SPECC1L: variants seen among roughly 807,000 people sequenced by gnomAD.
SPECC1L encodes cytospin-A.
A neutral mutation model predicts 116.8 loss-of-function variants in SPECC1L; 40 were observed. The observed-to-expected ratio is 0.34, with a 90% CI of 0.27 to 0.45. SPECC1L has a LOEUF of 0.45. Among genes scored for constraint, SPECC1L ranks in the 20% least tolerant of loss-of-function variants. The probability of loss-of-function intolerance (pLI) is 1.00; values close to 1 mark genes in which losing one functional copy is unlikely to be tolerated. For synonymous variants in SPECC1L, 504 were observed against 500.6 expected, an observed-to-expected ratio of 1.01 and a Z score of -0.09; for missense variants, 1,110 against 1,373.6, an observed-to-expected ratio of 0.81 and a Z score of 3.03.
chr22:24,409,076 G>C (rs1357283913), intron 14 of SPECC1L, among the ~76,000 whole-genome samples: 2 of 152,238 alleles, frequency 1.3e-5, no homozygotes, highest in Admixed American at 6.5e-5. Flanking sequence ...GGTCCTAACA[G>C]TATATAAAGA....
Position 24,365,466 on chromosome 22 carries a change from T to C in SPECC1L, c.2828-10T>C. The C allele has an allele frequency of 1.2e-6, 2 of 1,613,912 alleles. No homozygotes were observed. The highest frequency in any genetic ancestry group is 1.7e-6 in the Non-Finnish European group (2 of 1,179,872). ...TTTGCTATAGAGTGCATAATGACTA[T>C]TTCTCACAGTGTCTCGACGAAGTAG... On this transcript the variant is annotated splice_polypyrimidine_tract_variant and intron_variant, in intron 12 of 16. Coordinates refer to ENST00000314328, the MANE Select transcript of SPECC1L (RefSeq NM_015330.6).
intron 11 of SPECC1L, among the ~76,000 whole-genome samples, chr22:24,353,928 A>C (rs1013131835): frequency 6.6e-6 from 1 of 152,234 alleles, no homozygotes; most frequent in African/African-American, 2.4e-5. Flanking sequence ...TAATTTATAA[A>C]GAAAAGAGGT....
At chr22:24,282,410 C>T (rs193148498) in intron 2 of SPECC1L, among the ~76,000 whole-genome samples, 97 of 152,326 alleles carry the variant, frequency 6.4e-4, no homozygotes, top group African/African-American at 2.2e-3. Flanking sequence ...GTTCAGTCTA[C>T]ACCCAGGAAT....
chr22:24,313,607 G>T lies in SPECC1L; in HGVS notation c.307+141G>T, dbSNP rs563917182. ...ATGGATTGATATTTCAGCCCAATAC[G>T]CTCATCACCATTATCAACTCATAGC... is the stretch of plus-strand genomic sequence containing the variant. On this transcript the variant is annotated intron_variant, in intron 4 of 16. Transcript: ENST00000314328. 9 of 942,668 alleles carry T rather than the reference G, an allele frequency of 9.5e-6. No individual in the cohort carries two copies. In the African/African-American group the frequency reaches 1.1e-4, roughly 12 times the overall value. 58.4% of individuals were successfully genotyped at this position (942,668 alleles called of 1,614,324 possible). A position where few individuals can be genotyped will look rare whatever the true frequency, so the allele number is the denominator to read the frequency against.
chr22:24,412,220 C>T (rs1224915327), intron 15 of SPECC1L: 4 of 359,460 alleles, frequency 1.1e-5, no homozygotes, highest in Non-Finnish European at 1.1e-5. Context: ...CAGAGGGCCA[C>T]TGGAGAGGAT....
At chr22:24,372,740 C>G (rs1485942311) in intron 14 of SPECC1L, among the ~76,000 whole-genome samples, 1 of 151,118 alleles carries the variant, frequency 6.6e-6, no homozygotes, top group Non-Finnish European at 1.5e-5. Flanking sequence ...TCTCTCACCA[C>G]TCCTATTCAA....
At chr22:24,373,073 A>G (rs936031072) in intron 14 of SPECC1L, among the ~76,000 whole-genome samples, 13 of 152,190 alleles carry the variant, frequency 8.5e-5, no homozygotes, top group African/African-American at 3.1e-4. Flanking sequence ...TATAAGGGAC[A>G]TGAAGGACCT....
chr22:24,368,225 C>T (rs1471147993), intron 13 of SPECC1L, among the ~76,000 whole-genome samples: 1 of 152,156 alleles, frequency 6.6e-6, no homozygotes, highest in Admixed American at 6.5e-5. Flanking sequence ...CAAACTTCTA[C>T]AGTGGTTTTA....
intron 15 of SPECC1L, chr22:24,412,251 C>T (rs1408247880): frequency 1.1e-5 from 4 of 371,978 alleles, no homozygotes; most frequent in Non-Finnish European, 2.1e-5. Flanking sequence ...AGCCCCCACC[C>T]CAGTCCCCTG....
chr22:24,298,847 A>C (rs1277200912), intron 2 of SPECC1L, among the ~76,000 whole-genome samples: 1 of 152,224 alleles, frequency 6.6e-6, no homozygotes, highest in Non-Finnish European at 1.5e-5. Context: ...ATCCAGAAAC[A>C]CCCTCACAGA....
At chr22:24,273,174 G>A (rs1459683897) in intron 1 of SPECC1L, among the ~76,000 whole-genome samples, 1 of 152,196 alleles carries the variant, frequency 6.6e-6, no homozygotes. Flanking sequence ...CTCTGAAGCA[G>A]TGGTTCTCTA....
chr22:24,270,860 A>T lies in SPECC1L; in HGVS notation c.-265A>T, dbSNP rs1404501094. The T allele has an allele frequency of 6.6e-6, 1 of 152,414 alleles. No homozygotes were observed. Among genetic ancestry groups the T allele is most frequent in the Non-Finnish European group, 1.5e-5 (1 of 68,260 alleles). The allele number at this position is 152,414 out of a possible 1,614,324, so 9.4% of individuals were successfully genotyped here. A position where few individuals can be genotyped will look rare whatever the true frequency, so the allele number is the denominator to read the frequency against. ...GCGAGGGAGGCCGGGCGGCCCGGCA[A>T]GCGGCGCTGCGGGGTAGGCTGCTTT... On this transcript the variant is annotated 5_prime_UTR_variant, in exon 1 of 17. The change creates a new upstream start codon in the 5' untranslated region. Transcript: ENST00000314328.
At chr22:24,375,036 A>G (rs2041945342) in intron 14 of SPECC1L, among the ~76,000 whole-genome samples, 1 of 152,162 alleles carries the variant, frequency 6.6e-6, no homozygotes, top group South Asian at 2.1e-4. Context: ...AAAGGATTAA[A>G]ATGGAATACT....
chr22:24,273,767 T>C (rs1293834857), intron 1 of SPECC1L, among the ~76,000 whole-genome samples: 1 of 152,186 alleles, frequency 6.6e-6, no homozygotes, highest in Non-Finnish European at 1.5e-5. Flanking sequence ...TTATTAGATA[T>C]AATTGTTTTT....
chr22:24,307,363 T>C (rs1290801176), intron 3 of SPECC1L, among the ~76,000 whole-genome samples: 3 of 152,190 alleles, frequency 2.0e-5, no homozygotes, highest in African/African-American at 4.8e-5. Flanking sequence ...ACAGTGTCTT[T>C]TTGCACTGAT....
intron 15 of SPECC1L, 53 bp from the exon 16 acceptor site, chr22:24,412,595 T>C: frequency 1.3e-6 from 2 of 1,582,180 alleles, no homozygotes; most frequent in Non-Finnish European, 1.7e-6. Context: ...GGAGGCCACG[T>C]GACTTTCTCT....
chr22:24,412,891 G>T (rs2042727687), intron 16 of SPECC1L, among the ~76,000 whole-genome samples, 184 bp downstream of exon 16: 1 of 147,718 alleles, frequency 6.8e-6, no homozygotes, highest in Non-Finnish European at 1.5e-5. Flanking sequence ...GGGATCTTGT[G>T]TCCTGGCCCC....
intron 3 of SPECC1L, among the ~76,000 whole-genome samples, chr22:24,303,353 G>A (rs1389102364): frequency 6.6e-6 from 1 of 152,182 alleles, no homozygotes; most frequent in African/African-American, 2.4e-5. Context: ...GAATTGTTAG[G>A]TATCATTCTG....
chr22:24,363,916 G>A (rs1010566423), intron 12 of SPECC1L, among the ~76,000 whole-genome samples: 8 of 147,856 alleles, frequency 5.4e-5, no homozygotes, highest in Admixed American at 1.3e-4. Context: ...TAAAGTGGGC[G>A]GTGGGGGTGG....
Sources: gnomAD v4.1 joint callset for allele counts (sites outside exome capture counted in the v4.1 genomes callset) on GRCh38, gnomAD v4.1.1 for gene constraint, MANE v1.5 for transcripts, NCBI Gene and HGNC (gene_info 2026-07-23, HGNC 2026-07-21) for gene names.